EXOSC10: variants seen among roughly 807,000 people sequenced by gnomAD.
EXOSC10 encodes exosome complex component 10.
A neutral mutation model predicts 126.6 loss-of-function variants in EXOSC10; 94 were observed. The ratio of observed to expected loss-of-function variants is 0.74; its 90% confidence interval spans 0.63 to 0.88. The LOEUF (loss-of-function observed/expected upper bound fraction) is 0.88, where lower values mean the gene tolerates loss of function less well. Ranked by LOEUF, EXOSC10 falls within the 40% of genes least tolerant of loss-of-function variation. The pLI, the probability that EXOSC10 is intolerant of heterozygous loss-of-function variation, is 0.00. For missense variants in EXOSC10, 1,041 were observed against 1,100.5 expected, an observed-to-expected ratio of 0.95 and a Z score of 0.77; for synonymous variants, 395 against 400.8, an observed-to-expected ratio of 0.99 and a Z score of 0.17.
At chr1:11,094,359 A>G (rs1346308381) in intron 3 of EXOSC10, among the ~76,000 whole-genome samples, 1 of 151,334 alleles carries the variant, frequency 6.6e-6, no homozygotes, top group Non-Finnish European at 1.5e-5. Flanking sequence ...CAATGGTGCA[A>G]TCTTGGCTCA....
chr1:11,081,989 GGA>G (rs1474193644), intron 10 of EXOSC10, among the ~76,000 whole-genome samples: 2 of 151,958 alleles, frequency 1.3e-5, no homozygotes, highest in Non-Finnish European at 2.9e-5. Context: ...GGCTGAGGCA[GGA>G]GAATTGCTTG....
intron 14 of EXOSC10, among the ~76,000 whole-genome samples, chr1:11,079,042 C>T (rs1345967154): frequency 6.6e-6 from 1 of 152,118 alleles, no homozygotes; most frequent in African/African-American, 2.4e-5. Flanking sequence ...AAAAACAGGC[C>T]TGCTAAAGTT....
chr1:11,080,631 G>A (rs1640110025), intron 12 of EXOSC10, 82 bp from the exon 13 acceptor site: 1 of 1,598,300 alleles, frequency 6.3e-7, no homozygotes, highest in Non-Finnish European at 8.5e-7. Context: ...CATTCAGCCA[G>A]TAAGTTCCAT....
chr1:11,083,897 G>A (rs368157466), intron 9 of EXOSC10, among the ~76,000 whole-genome samples: 7 of 151,896 alleles, frequency 4.6e-5, no homozygotes, highest in Non-Finnish European at 1.0e-4. Context: ...TTGTTCTTGC[G>A]ATAGTTTACT....
In EXOSC10 at chr1:11,068,067, T is replaced by C. The variant is rs1483300108; in HGVS notation, c.2568A>G (p.Lys856=). The stretch of plus-strand genomic sequence containing the variant: ...TGTTTCCCACCGACTGTTTAATTTT[T>C]TTGGCTGCAATGCATTTCTGAAAAG... ...TPSGKKCIAA[K]KIKQSVGNKS... is the part of the protein sequence containing the mutation. The change falls in exon 24 of 25, where the codon AAA becomes AAG. Residue 856 remains lysine (K), a synonymous_variant. Transcript: ENST00000376936. The C allele has an allele frequency of 1.2e-6, 2 of 1,614,176 alleles. No homozygotes were observed. The highest frequency in any genetic ancestry group is 2.2e-5 in the East Asian group (1 of 44,888).
rs1640596963 is a variant in EXOSC10, at chr1:11,088,019, C to T, written c.834+104G>A. ...AATGACCCAAAACTGTAACTTTCTC[C>T]CTTAAAGATCTTCAAGGAAAGTCAA... On this transcript the variant is annotated intron_variant, in intron 7 of 24. Coordinates refer to ENST00000376936, the MANE Select transcript of EXOSC10 (RefSeq NM_001001998.3). The T allele has an allele frequency of 2.4e-6, 3 of 1,258,904 alleles. No individual in the cohort carries two copies. In the South Asian group the frequency reaches 3.8e-5, roughly 16 times the overall value. The allele number at this position is 1,258,904 out of a possible 1,614,324, so 78.0% of individuals were successfully genotyped here.
chr1:11,068,958 G>A, intron 22 of EXOSC10: 1 of 550,558 alleles, frequency 1.8e-6, no homozygotes, highest in Non-Finnish European at 3.2e-6. Context: ...GGTGGCTACA[G>A]CAGTGGCCCC....
rs376378931 is a variant in EXOSC10, at chr1:11,072,078, G to A, written c.2242+9C>T. ...ACAGCCGACTGAGTTGCAAGGAAGTGAGTGTTACCTGTTTGCTCAGCTGCC... is the reference window on the plus strand; with the variant it reads ...ACAGCCGACTGAGTTGCAAGGAAGTAAGTGTTACCTGTTTGCTCAGCTGCC... On this transcript the variant is annotated intron_variant, in intron 20 of 24. Transcript: ENST00000376936. 7.5e-6 allele frequency: 12 copies of A among 1,608,188 alleles called. No homozygotes were observed. Among genetic ancestry groups the A allele is most frequent in the Non-Finnish European group, 7.6e-6 (9 of 1,176,526 alleles).
At chr1:11,097,120 G>C (rs1641144718) in intron 2 of EXOSC10, among the ~76,000 whole-genome samples, 1 of 152,056 alleles carries the variant, frequency 6.6e-6, no homozygotes, top group Non-Finnish European at 1.5e-5. Flanking sequence ...TGAGGCACAA[G>C]AATCGCTTGA....
intron 2 of EXOSC10, among the ~76,000 whole-genome samples, chr1:11,096,167 A>G (rs1028821469): frequency 1.3e-5 from 2 of 151,788 alleles, no homozygotes; most frequent in Non-Finnish European, 2.9e-5. Context: ...TATTTTTAGT[A>G]AAGATGAGGT....
chr1:11,076,972 G>C, intron 16 of EXOSC10, 24 bp from the exon 17 acceptor site: 2 of 1,563,104 alleles, frequency 1.3e-6, no homozygotes, highest in Non-Finnish European at 1.8e-6. Context: ...AGATAGTAAG[G>C]TCAAAGCCTA....
At chr1:11,074,403 G>T in intron 17 of EXOSC10, 77 bp from the exon 18 acceptor site, 5 of 1,006,980 alleles carry the variant, frequency 5.0e-6, no homozygotes, top group Non-Finnish European at 6.1e-6. Context: ...GAGAGCAACA[G>T]TTAACAGTGA....
intron 17 of EXOSC10, among the ~76,000 whole-genome samples, chr1:11,076,622 A>C (rs1228826621): frequency 6.6e-6 from 1 of 152,172 alleles, no homozygotes; most frequent in African/African-American, 2.4e-5. Flanking sequence ...CTTCACACAG[A>C]GCTCAAGAGA....
intron 7 of EXOSC10, 89 bp downstream of exon 7, chr1:11,088,034 A>C: frequency 7.6e-7 from 1 of 1,319,250 alleles, no homozygotes; most frequent in Non-Finnish European, 1.1e-6. Context: ...AAGATCTTCA[A>C]GGAAAGTCAA....
chr1:11,074,699 C>T lies in EXOSC10; in HGVS notation c.1987-373G>A, dbSNP rs140001703. 6.9e-3 allele frequency among the ~76,000 whole-genome samples: 1,043 copies of T among 152,230 alleles called. 12 individuals carry two copies. The highest frequency in any genetic ancestry group is 0.024 in the African/African-American group (985 of 41,552). On this transcript the variant is annotated intron_variant, in intron 17 of 24. Transcript: ENST00000376936. ...AAGTGCTGGGATTACAGGTGTGAGC[C>T]ACCGCACGCACCCGGCCAGTAACAG...
At chr1:11,080,995 G>C in intron 11 of EXOSC10, 83 bp from the exon 12 acceptor site, 2 of 1,574,954 alleles carry the variant, frequency 1.3e-6, no homozygotes, top group African/African-American at 1.4e-5. Flanking sequence ...CTCTTTTCAT[G>C]AATGTAAGGA....
intron 9 of EXOSC10, among the ~76,000 whole-genome samples, chr1:11,086,491 G>A (rs910513780): frequency 7.3e-5 from 11 of 149,926 alleles, no homozygotes; most frequent in Admixed American, 3.3e-4. Flanking sequence ...TTTTTATTGC[G>A]TCTATTTGAT....
At chr1:11,070,774 G>T in intron 21 of EXOSC10, 126 bp downstream of exon 21, 1 of 791,622 alleles carries the variant, frequency 1.3e-6, no homozygotes, top group Non-Finnish European at 2.1e-6. Context: ...AAGCTAAGGT[G>T]AACCGGAAAG....
intron 9 of EXOSC10, among the ~76,000 whole-genome samples, chr1:11,083,621 A>AAT (rs1640310623): frequency 6.7e-6 from 1 of 149,908 alleles, no homozygotes; most frequent in African/African-American, 2.5e-5. Context: ...AGTTAAAAAA[A>AAT]TTTTTTTTTA....
Sources: allele counts gnomAD v4.1 joint callset (sites outside exome capture counted in the v4.1 genomes callset), GRCh38; gene constraint gnomAD v4.1.1; transcripts MANE v1.5; gene names NCBI Gene and HGNC (gene_info 2026-07-23, HGNC 2026-07-21).